The following OSBPL8 variants were observed in gnomAD, a reference collection of about 807,000 sequenced individuals.
The protein encoded by OSBPL8 is oxysterol binding protein like 8, also known as oxysterol-binding protein-related protein 8.
Under a neutral mutation model 125.5 loss-of-function variants are expected in OSBPL8, and 59 were observed. The ratio of observed to expected loss-of-function variants is 0.47; its 90% CI spans 0.38 to 0.58. The LOEUF is 0.58. OSBPL8 is among the 20% of genes least tolerant of loss of function. The pLI is 0.00. For synonymous variants in OSBPL8, 330 were observed against 338.9 expected, an observed-to-expected ratio of 0.97 and a Z score of 0.29; for missense variants, 758 against 1,047.8, an observed-to-expected ratio of 0.72 and a Z score of 3.82.
chr12:76,484,171 T>C (rs947502172), intron 2 of OSBPL8, among the ~76,000 whole-genome samples: 1 of 152,154 alleles, frequency 6.6e-6, no homozygotes, highest in African/African-American at 2.4e-5. Flanking sequence ...ATCACTCACT[T>C]CCTTCCATCC....
chr12:76,426,260 G>A (rs1241421044), intron 4 of OSBPL8, among the ~76,000 whole-genome samples: 3 of 152,136 alleles, frequency 2.0e-5, no homozygotes, highest in Non-Finnish European at 2.9e-5. Context: ...TGCTACTTCT[G>A]TATTTCTGAG....
chr12:76,489,484 G>A (rs180800318), intron 1 of OSBPL8, among the ~76,000 whole-genome samples: 1 of 152,170 alleles, frequency 6.6e-6, no homozygotes, highest in East Asian at 1.9e-4. Context: ...AAAATTCTAG[G>A]GCCCTTTCAA....
intron 15 of OSBPL8, among the ~76,000 whole-genome samples, chr12:76,379,816 A>C (rs1952967953): frequency 6.6e-6 from 1 of 152,204 alleles, no homozygotes; most frequent in Admixed American, 6.5e-5. Context: ...ATACTTAAGA[A>C]CATTTACGTA....
intron 1 of OSBPL8, among the ~76,000 whole-genome samples, chr12:76,514,259 C>T (rs1478231488): frequency 1.3e-5 from 2 of 152,042 alleles, no homozygotes; most frequent in African/African-American, 4.8e-5. Flanking sequence ...ATTCTCCTGC[C>T]TTAGCCTCCC....
chr12:76,394,019 A>T (rs1453524672), intron 9 of OSBPL8, among the ~76,000 whole-genome samples: 4 of 152,174 alleles, frequency 2.6e-5, no homozygotes, highest in Admixed American at 6.5e-5. Flanking sequence ...ACTCCATCTC[A>T]AAAACAAAAA....
intron 4 of OSBPL8, among the ~76,000 whole-genome samples, chr12:76,435,443 G>C (rs756060923): frequency 4.6e-5 from 7 of 152,094 alleles, no homozygotes; most frequent in Non-Finnish European, 8.8e-5. Context: ...ACAAGTTTCA[G>C]ATATGCAGTA....
At chr12:76,554,805 G>A (rs1951047015) in intron 1 of OSBPL8, among the ~76,000 whole-genome samples, 1 of 152,008 alleles carries the variant, frequency 6.6e-6, no homozygotes, top group South Asian at 2.1e-4. Flanking sequence ...TTTTGAATAT[G>A]GAAATTAGTA....
intron 1 of OSBPL8, among the ~76,000 whole-genome samples, chr12:76,530,613 GTATAT>G (rs1950309725): frequency 6.6e-6 from 1 of 151,958 alleles, no homozygotes; most frequent in Admixed American, 6.6e-5. Flanking sequence ...TGTAAGTATA[GTATAT>G]TATATCCCCA....
intron 1 of OSBPL8, among the ~76,000 whole-genome samples, chr12:76,500,234 T>G (rs1879762616): frequency 6.6e-6 from 1 of 152,212 alleles, no homozygotes; most frequent in Non-Finnish European, 1.5e-5. Flanking sequence ...TCTGACCCTT[T>G]GTGTCAGCCA....
intron 4 of OSBPL8, among the ~76,000 whole-genome samples, chr12:76,413,689 G>T (rs1321977541): frequency 6.6e-6 from 1 of 152,026 alleles, no homozygotes; most frequent in Non-Finnish European, 1.5e-5. Flanking sequence ...TAGTTTGCGT[G>T]TCCCTGATTA....
rs1172514969 is a variant in OSBPL8 at position 76,417,939 on chromosome 12, AT to A, written c.218-7306del. On this transcript the variant is annotated intron_variant, in intron 4 of 23. Coordinates refer to ENST00000261183, the MANE Select transcript of OSBPL8 (RefSeq NM_020841.5). ...TGTACTAATTGCTGACTTTGAAAAAATTATTTGTAATAATAATTAGAGACCT... is the reference window on the plus strand; with the variant it reads ...TGTACTAATTGCTGACTTTGAAAAAATATTTGTAATAATAATTAGAGACCT... 4.6e-5 allele frequency among the ~76,000 whole-genome samples: 7 copies of A among 151,570 alleles called. No homozygotes were observed. The East Asian group carries it at 1.2e-3, about 25-fold the overall frequency.
chr12:76,456,042 C>T (rs1211096224), intron 3 of OSBPL8, among the ~76,000 whole-genome samples: 1 of 152,146 alleles, frequency 6.6e-6, no homozygotes, highest in Non-Finnish European at 1.5e-5. Context: ...ATTAACATAT[C>T]TGCTGCATCT....
chr12:76,473,573 G>T (rs534927595), intron 2 of OSBPL8, among the ~76,000 whole-genome samples: 19 of 152,234 alleles, frequency 1.2e-4, no homozygotes, highest in Non-Finnish European at 1.9e-4. Context: ...GAATGTAGCT[G>T]TACATCAGTT....
At chr12:76,364,882 G>C (rs1952356865) in intron 21 of OSBPL8, among the ~76,000 whole-genome samples, 1 of 152,076 alleles carries the variant, frequency 6.6e-6, no homozygotes, top group Non-Finnish European at 1.5e-5. Flanking sequence ...TTGAAAATCT[G>C]CTTTCCCATT....
chr12:76,523,869 AATAGC>A (rs1169263605), intron 1 of OSBPL8, among the ~76,000 whole-genome samples: 1 of 152,214 alleles, frequency 6.6e-6, no homozygotes, highest in Admixed American at 6.5e-5. Flanking sequence ...AGAAAACTTA[AATAGC>A]AATATAACTC....
chr12:76,489,165 G>T (rs767313150), intron 1 of OSBPL8, among the ~76,000 whole-genome samples: 1 of 152,182 alleles, frequency 6.6e-6, no homozygotes, highest in African/African-American at 2.4e-5. Context: ...GGTTCATGAG[G>T]TTTAAGGAAA....
intron 1 of OSBPL8, among the ~76,000 whole-genome samples, chr12:76,528,105 G>A (rs568941979): frequency 2.6e-5 from 4 of 151,994 alleles, no homozygotes; most frequent in African/African-American, 7.2e-5. Context: ...GGCGGATCAC[G>A]AGGTCAGGAG....
chr12:76,402,095 G>C (rs966817788), intron 6 of OSBPL8, among the ~76,000 whole-genome samples: 3 of 151,984 alleles, frequency 2.0e-5, no homozygotes, highest in Non-Finnish European at 4.4e-5. Flanking sequence ...ATTTAATATG[G>C]GATGCAAATA....
chr12:76,489,799 A>G (rs539983764), intron 1 of OSBPL8, among the ~76,000 whole-genome samples: 1 of 152,250 alleles, frequency 6.6e-6, no homozygotes, highest in Non-Finnish European at 1.5e-5. Flanking sequence ...AAATACATTC[A>G]GTAAGGCCAT....
Sources: allele counts gnomAD v4.1 joint callset (sites outside exome capture counted in the v4.1 genomes callset), GRCh38; gene constraint gnomAD v4.1.1; transcripts MANE v1.5; gene names NCBI Gene and HGNC (gene_info 2026-07-23, HGNC 2026-07-21).